Variants in RNF150 observed in about 807,000 individuals in gnomAD.
RNF150 encodes the protein ring finger protein 150.
A neutral mutation model predicts 39.3 loss-of-function variants in RNF150; 24 were observed. The observed-to-expected ratio is 0.61, with a 90% CI of 0.44 to 0.86. The LOEUF (loss-of-function observed/expected upper bound fraction) is 0.86. RNF150 is among the 40% of genes least tolerant of loss of function. The pLI is 0.00. For synonymous variants in RNF150, 255 were observed against 227.3 expected, an observed-to-expected ratio of 1.12 and a Z score of -1.10; for missense variants, 502 against 587.8, an observed-to-expected ratio of 0.85 and a Z score of 1.51.
chr4:140,972,303 A>G (rs1267605547), intron 1 of RNF150, among the ~76,000 whole-genome samples: 3 of 152,176 alleles, frequency 2.0e-5, no homozygotes, highest in Non-Finnish European at 4.4e-5. Context: ...TTGCATCAAC[A>G]AGTATATTTT....
At chr4:141,043,943 T>A (rs866696624) in intron 1 of RNF150, among the ~76,000 whole-genome samples, 13 of 152,304 alleles carry the variant, frequency 8.5e-5, no homozygotes, top group South Asian at 2.1e-4. Context: ...TCCAAGGAAC[T>A]AATATTGATG....
At chr4:140,882,983 G>T (rs1157033617) in intron 6 of RNF150, among the ~76,000 whole-genome samples, 1 of 151,654 alleles carries the variant, frequency 6.6e-6, no homozygotes, top group African/African-American at 2.4e-5. Context: ...CTCTCTTGCT[G>T]CCTTCTTGTT....
At chr4:141,061,976 A>T (rs1272362918) in intron 1 of RNF150, among the ~76,000 whole-genome samples, 1 of 152,148 alleles carries the variant, frequency 6.6e-6, no homozygotes, top group Non-Finnish European at 1.5e-5. Flanking sequence ...AATAAATCTG[A>T]TAATTATGAG....
chr4:141,022,162 C>T (rs1475611732), intron 1 of RNF150, among the ~76,000 whole-genome samples: 2 of 152,136 alleles, frequency 1.3e-5, no homozygotes, highest in African/African-American at 4.8e-5. Context: ...TGGGGACAGT[C>T]AGCTGGTACA....
chr4:141,120,021 G>A (rs1445753395), intron 1 of RNF150, among the ~76,000 whole-genome samples: 2 of 152,160 alleles, frequency 1.3e-5, no homozygotes, highest in Non-Finnish European at 2.9e-5. Context: ...TGAGAATTAT[G>A]GATGGTACCT....
intron 1 of RNF150, among the ~76,000 whole-genome samples, chr4:141,038,593 A>T (rs1299239660): frequency 2.6e-5 from 4 of 151,690 alleles, no homozygotes; most frequent in Non-Finnish European, 5.9e-5. Flanking sequence ...TGGGAGGGTG[A>T]GGTGGGAGGA....
At chr4:140,910,587 C>T (rs1006742196) in intron 6 of RNF150, among the ~76,000 whole-genome samples, 1 of 149,892 alleles carries the variant, frequency 6.7e-6, no homozygotes, top group African/African-American at 2.4e-5. Flanking sequence ...GTGTCTCTTG[C>T]AGATATGGCC....
intron 1 of RNF150, among the ~76,000 whole-genome samples, chr4:141,107,046 G>A (rs1209634970): frequency 2.0e-5 from 3 of 151,992 alleles, no homozygotes; most frequent in Non-Finnish European, 4.4e-5. Context: ...TGTCCAAATT[G>A]AGGATAAATA....
chr4:140,905,457 T>C (rs1238221716), intron 6 of RNF150, among the ~76,000 whole-genome samples: 3 of 152,122 alleles, frequency 2.0e-5, no homozygotes, highest in Non-Finnish European at 4.4e-5. Context: ...CTCTGCCCCA[T>C]TGCCAGATGT....
chr4:140,922,652 G>A (rs562875122), intron 5 of RNF150, among the ~76,000 whole-genome samples: 19 of 151,496 alleles, frequency 1.3e-4, no homozygotes, highest in East Asian at 9.7e-4. Context: ...AAAAGAGCCC[G>A]CATTGCCAAG....
intron 4 of RNF150, among the ~76,000 whole-genome samples, chr4:140,930,726 T>C (rs1731594671): frequency 1.3e-5 from 2 of 152,222 alleles, no homozygotes; most frequent in South Asian, 4.1e-4. Context: ...ACACTGCCAG[T>C]CTTTTCTTGT....
chr4:141,018,055 A>G (rs1203807579), intron 1 of RNF150, among the ~76,000 whole-genome samples: 1 of 152,120 alleles, frequency 6.6e-6, no homozygotes, highest in African/African-American at 2.4e-5. Context: ...AAGAATTAAA[A>G]TATACTATCA....
chr4:141,032,676 T>C (rs1907159), intron 1 of RNF150, among the ~76,000 whole-genome samples: 125,792 of 151,786 alleles, frequency 0.83, 52,675 homozygotes, highest in Non-Finnish European at 0.87. Context: ...TCAAAGAAAA[T>C]CTTAAGGCAA....
rs1728640677 is a variant in RNF150 at position 140,864,905 on chromosome 4, G to T, written c.*3356C>A. 1 of 152,200 alleles carries T rather than the reference G, an allele frequency of 6.6e-6. No individual in the cohort carries two copies. The highest frequency in any genetic ancestry group is 2.1e-4 in the South Asian group (1 of 4,818). The allele number at this position is 152,200 out of a possible 1,614,324, so 9.4% of individuals were successfully genotyped here. On this transcript the variant is annotated 3_prime_UTR_variant, in exon 7 of 7. Transcript: ENST00000515673. ...AGTTCAAGCAGAAATTTTAAAAAGGGTGCCTGAATCTTTATTCACTACAAA... is the reference window on the plus strand; with the variant it reads ...AGTTCAAGCAGAAATTTTAAAAAGGTTGCCTGAATCTTTATTCACTACAAA...
At chr4:141,198,683 G>A (rs984593721) in intron 1 of RNF150, among the ~76,000 whole-genome samples, 1 of 152,180 alleles carries the variant, frequency 6.6e-6, no homozygotes, top group Non-Finnish European at 1.5e-5. Flanking sequence ...CACAGAAGAT[G>A]AGCTCACTGA....
chr4:141,025,093 T>C (rs1186068978), intron 1 of RNF150, among the ~76,000 whole-genome samples: 2 of 152,166 alleles, frequency 1.3e-5, no homozygotes, highest in Admixed American at 1.3e-4. Flanking sequence ...TTTACATAGC[T>C]GATAAAGCAA....
chr4:141,031,971 G>T (rs1378060194), intron 1 of RNF150, among the ~76,000 whole-genome samples: 1 of 151,632 alleles, frequency 6.6e-6, no homozygotes, highest in African/African-American at 2.4e-5. Context: ...ATTAACCAAA[G>T]TATCCACTGA....
chr4:140,914,933 G>C (rs1381566360), intron 5 of RNF150, among the ~76,000 whole-genome samples: 1 of 152,086 alleles, frequency 6.6e-6, no homozygotes, highest in Non-Finnish European at 1.5e-5. Context: ...TAGATACAAG[G>C]ACACTTTGTT....
At chr4:141,045,508 T>G (rs1451203968) in intron 1 of RNF150, among the ~76,000 whole-genome samples, 3 of 152,058 alleles carry the variant, frequency 2.0e-5, no homozygotes, top group African/African-American at 7.2e-5. Context: ...TTTTTTATAT[T>G]TAGGAACACA....
Sources: gnomAD v4.1 joint callset for allele counts (sites outside exome capture counted in the v4.1 genomes callset) on GRCh38, gnomAD v4.1.1 for gene constraint, MANE v1.5 for transcripts, NCBI Gene and HGNC (gene_info 2026-07-23, HGNC 2026-07-21) for gene names.